The following TMEM132B variants were observed in gnomAD, a reference collection of about 807,000 sequenced individuals.
TMEM132B encodes transmembrane protein 132B.
Under a neutral mutation model 90.8 loss-of-function variants are expected in TMEM132B, and 18 were observed. That is an observed-to-expected ratio of 0.20 (90% CI 0.14 to 0.29). TMEM132B has a LOEUF of 0.29. Ranked by LOEUF, TMEM132B falls within the 10% of genes least tolerant of loss-of-function variation. The probability of loss-of-function intolerance (pLI) is 1.00; values close to 1 mark genes in which losing one functional copy is unlikely to be tolerated. For synonymous variants in TMEM132B, 504 were observed against 523.3 expected, an observed-to-expected ratio of 0.96 and a Z score of 0.50; for missense variants, 1,096 against 1,326.8, an observed-to-expected ratio of 0.83 and a Z score of 2.70.
chr12:125,641,728 A>C (rs1886635838), intron 5 of TMEM132B, among the ~76,000 whole-genome samples: 2 of 152,210 alleles, frequency 1.3e-5, no homozygotes, highest in Admixed American at 1.3e-4. Context: ...ATGAACATAG[A>C]AAGGGCCTCA....
intron 2 of TMEM132B, among the ~76,000 whole-genome samples, chr12:125,389,502 C>G (rs1878947249): frequency 6.6e-6 from 1 of 152,146 alleles, no homozygotes; most frequent in African/African-American, 2.4e-5. Flanking sequence ...AATGCTGGCT[C>G]TGGCTCTTGT....
At chr12:125,425,922 T>C (rs1440766067) in intron 3 of TMEM132B, among the ~76,000 whole-genome samples, 1 of 152,222 alleles carries the variant, frequency 6.6e-6, no homozygotes, top group Non-Finnish European at 1.5e-5. Context: ...TATTCAGGTT[T>C]TTCTGTAGAT....
intron 3 of TMEM132B, among the ~76,000 whole-genome samples, chr12:125,516,186 C>T (rs535818509): frequency 2.0e-5 from 3 of 152,174 alleles, no homozygotes; most frequent in South Asian, 2.1e-4. Context: ...CATACACTAT[C>T]GCACTCTCAC....
chr12:125,512,913 G>A (rs1180114072), intron 3 of TMEM132B, among the ~76,000 whole-genome samples: 1 of 152,240 alleles, frequency 6.6e-6, no homozygotes, highest in South Asian at 2.1e-4. Context: ...GAAGGGATCC[G>A]TGAGCAGGAA....
chr12:125,270,013 A>AG (rs1874790420), intron 1 of TMEM132B, among the ~76,000 whole-genome samples: 1 of 151,808 alleles, frequency 6.6e-6, no homozygotes, highest in African/African-American at 2.4e-5. Context: ...TGGGCAGTAG[A>AG]ACATGACCCT....
At chr12:125,614,703 G>A (rs1461316975) in intron 5 of TMEM132B, among the ~76,000 whole-genome samples, 1 of 152,138 alleles carries the variant, frequency 6.6e-6, no homozygotes, top group East Asian at 1.9e-4. Flanking sequence ...CTTGTGGAAA[G>A]CAGTCTGAAA....
intron 2 of TMEM132B, among the ~76,000 whole-genome samples, chr12:125,352,170 C>G (rs536429147): frequency 8.5e-5 from 13 of 152,218 alleles, no homozygotes; most frequent in African/African-American, 2.9e-4. Flanking sequence ...GATAGTCTGG[C>G]CTTATCCCTG....
chr12:125,637,385 T>C lies in TMEM132B; in HGVS notation c.1438-6691T>C, dbSNP rs561150330. ...TATCTGAGACAAATCCCAGTCAACT[T>C]AGAAAGTTTATTTTGCCAAGGTTAA... is the stretch of plus-strand genomic sequence containing the variant. On this transcript the variant is annotated intron_variant, in intron 5 of 8. Transcript: ENST00000682704. Among the ~76,000 whole-genome samples the C allele has an allele frequency of 9.3e-4, 142 of 152,302 alleles. 2 individuals carry two copies. In the South Asian group the frequency reaches 0.021, roughly 22 times the overall value.
rs531170521 is a variant in TMEM132B at position 125,564,350 on chromosome 12, C to T, written c.1294-19501C>T. 1.3e-3 allele frequency among the ~76,000 whole-genome samples: 143 copies of T among 106,756 alleles called. 1 individual carries two copies. Among genetic ancestry groups the T allele is most frequent in the African/African-American group, 3.5e-3 (128 of 36,250 alleles). The allele number at this position is 106,756 out of a possible 152,430, so 70.0% of individuals were successfully genotyped here. A position where few individuals can be genotyped will look rare whatever the true frequency, so the allele number is the denominator to read the frequency against. ...TGACATAACACATTTGCTCTTGGTG[C>T]GTTCAGTGTGAAAAAATAGAGAATA... is the stretch of plus-strand genomic sequence containing the variant. On this transcript the variant is annotated intron_variant, in intron 4 of 8. Coordinates refer to ENST00000682704, the MANE Select transcript of TMEM132B (RefSeq NM_001366854.1).
chr12:125,431,757 CAG>C (rs1295639117), intron 3 of TMEM132B, among the ~76,000 whole-genome samples: 1 of 152,164 alleles, frequency 6.6e-6, no homozygotes, highest in Non-Finnish European at 1.5e-5. Context: ...AGTGAACAGA[CAG>C]GGAGTCAGTG....
chr12:125,430,218 T>G (rs1353011687), intron 3 of TMEM132B, among the ~76,000 whole-genome samples: 5 of 152,220 alleles, frequency 3.3e-5, no homozygotes, highest in African/African-American at 1.2e-4. Context: ...TAAATTTCCC[T>G]TCCACCCCTT....
chr12:125,527,434 ACC>A, intron 4 of TMEM132B, among the ~76,000 whole-genome samples: 1 of 124,688 alleles, frequency 8.0e-6, no homozygotes, highest in Non-Finnish European at 1.7e-5. Context: ...CCTTCCATCC[ACC>A]TATTTACCCT....
intron 8 of TMEM132B, among the ~76,000 whole-genome samples, 160 bp from the exon 9 acceptor site, chr12:125,653,405 C>T (rs539846234): frequency 3.5e-4 from 54 of 152,190 alleles, no homozygotes; most frequent in African/African-American, 9.6e-4. Context: ...TTATTGATGC[C>T]GGTTCAACCA....
At chr12:125,641,752 T>G (rs1348282225) in intron 5 of TMEM132B, among the ~76,000 whole-genome samples, 3 of 151,750 alleles carry the variant, frequency 2.0e-5, no homozygotes, top group Non-Finnish European at 4.4e-5. Flanking sequence ...TTTCCAAAAC[T>G]GGTGTGTTCT....
At chr12:125,615,105 C>T (rs1017349574) in intron 5 of TMEM132B, among the ~76,000 whole-genome samples, 3 of 151,978 alleles carry the variant, frequency 2.0e-5, no homozygotes, top group Non-Finnish European at 4.4e-5. Context: ...AGTATTTTCT[C>T]TGTGTCTTTG....
intron 4 of TMEM132B, among the ~76,000 whole-genome samples, chr12:125,582,171 G>A (rs891368904): frequency 5.3e-5 from 8 of 151,850 alleles, no homozygotes; most frequent in Non-Finnish European, 1.0e-4. Flanking sequence ...AATAATATCC[G>A]TAACTACCTT....
In TMEM132B at chr12:125,654,185, G is replaced by A; in HGVS notation, c.2727G>A (p.Leu909=). Residue 909 remains leucine (L), a synonymous_variant, in exon 9 of 9, where the codon TTG becomes TTA. Coordinates refer to ENST00000682704, the MANE Select transcript of TMEM132B (RefSeq NM_001366854.1). The surrounding 1 kb of genome is among the most constrained non-coding windows in gnomAD (Gnocchi z 5.8). ...LTDLEIGMYA[L]LCVFCLAILV... ...ACTTGGAGATTGGCATGTATGCCTT[G>A]CTCTGCGTCTTCTGTCTGGCCATTC... 6.2e-7 allele frequency: 1 copy of A among 1,614,212 alleles called. No individual in the cohort carries two copies. The highest frequency in any genetic ancestry group is 8.5e-7 in the Non-Finnish European group (1 of 1,180,044).
At chr12:125,300,725 T>G (rs1045235859) in intron 1 of TMEM132B, among the ~76,000 whole-genome samples, 3 of 152,166 alleles carry the variant, frequency 2.0e-5, no homozygotes, top group Admixed American at 6.5e-5. Flanking sequence ...AACTAAGACA[T>G]AGAGAGGTGG....
chr12:125,537,954 C>A (rs1160954545), intron 4 of TMEM132B, among the ~76,000 whole-genome samples: 2 of 152,050 alleles, frequency 1.3e-5, no homozygotes. Flanking sequence ...ACTCATCCAC[C>A]ACCCCGAAAC....
Sources: allele counts gnomAD v4.1 joint callset (sites outside exome capture counted in the v4.1 genomes callset), GRCh38; gene constraint gnomAD v4.1.1; non-coding constraint Gnocchi (gnomAD v3.1); transcripts MANE v1.5; gene names NCBI Gene and HGNC (gene_info 2026-07-23, HGNC 2026-07-21).